The following EXTL1 variants were observed in gnomAD, a reference collection of about 807,000 sequenced individuals.
EXTL1 encodes the protein exostosin like glycosyltransferase 1, also known as exostosin-like 1.
EXTL1 carries 43 observed loss-of-function variants against 64.6 expected under a neutral mutation model. The observed-to-expected ratio is 0.67, with a 90% CI of 0.52 to 0.86. EXTL1 has a LOEUF of 0.86. Among genes scored for constraint, EXTL1 ranks in the 40% least tolerant of loss-of-function variants. The probability of loss-of-function intolerance (pLI) is 0.00; values close to 1 mark genes in which losing one functional copy is unlikely to be tolerated. For missense variants in EXTL1, 766 were observed against 879.0 expected (o/e 0.87, Z 1.62); for synonymous variants, 352 against 360.5 (o/e 0.98, Z 0.27).
rs1311895706 is a variant in EXTL1 at position 26,034,598 on chromosome 1, T to TG, written c.1680-232dup. Among the ~76,000 whole-genome samples the TG allele has an allele frequency of 1.3e-5, 2 of 152,008 alleles. No homozygotes were observed. Among genetic ancestry groups the TG allele is most frequent in the Non-Finnish European group, 2.9e-5 (2 of 67,988 alleles). ...GAGTTCAGCGCTCAGAGCCCAAGGA[T>TG]GGGGGGCCCAAGGAGCTGTGAGGGA... On this transcript the variant is annotated intron_variant, in intron 9 of 10. Transcript: ENST00000374280. This position sits in a 1 kb window ranked among gnomAD's most constrained non-coding sequence, Gnocchi z 4.6.
rs374984462 is a variant in EXTL1 at position 26,030,476 on chromosome 1, G to T, written c.982G>T (p.Val328Phe). The T allele has an allele frequency of 6.2e-7, 1 of 1,609,718 alleles. No individual in the cohort carries two copies. The highest frequency in any genetic ancestry group is 1.3e-5 in the African/African-American group (1 of 74,758). Residue 328 changes from valine (V) to phenylalanine (F), a missense_variant and splice_region_variant, in exon 4 of 11, where the codon GTC (valine) becomes TTC (phenylalanine). Physicochemically the swap from Val to Phe is conservative, Grantham distance 50. This residue lies in a region of EXTL1 where 571 missense variants were observed against 647.6 expected (regional missense o/e 0.88). Coordinates refer to ENST00000374280, the MANE Select transcript of EXTL1 (RefSeq NM_004455.3). Reference sequence around the variant, plus strand: ...GCACTTTTCTCCCTCTCTGCTCCAGGTCCTGGCTGCCCTCCAGGAGATGTC... The same window carrying T: ...GCACTTTTCTCCCTCTCTGCTCCAGTTCCTGGCTGCCCTCCAGGAGATGTC... The part of the protein sequence containing the change: ...IVADERLPLQ[V>F]LAALQEMSPA...
chr1:26,024,736 G>A (rs1018917404), intron 1 of EXTL1, among the ~76,000 whole-genome samples: 4 of 152,142 alleles, frequency 2.6e-5, no homozygotes, highest in Non-Finnish European at 4.4e-5. Flanking sequence ...CACTTTGAGC[G>A]ACAAGGCTCT....
In EXTL1 at chr1:26,035,225, C is replaced by G; in HGVS notation, c.1909C>G (p.Gln637Glu). Residue 637 changes from glutamine (Q) to glutamate (E), a missense_variant, in exon 11 of 11, where the codon CAG (glutamine) becomes GAG (glutamate). Physicochemically the swap from Gln to Glu is conservative, Grantham distance 29. Transcript: ENST00000374280. The surrounding 1 kb of genome is among the most constrained non-coding windows in gnomAD (Gnocchi z 5.3). ...PPAPAPDCIN[Q>E]IAAAFGHMPL... ...TGCCCCAGCCCCCGACTGCATCAAC[C>G]AGATAGCGGCAGCGTTCGGCCACAT... is the stretch of plus-strand genomic sequence containing the variant. The G allele has an allele frequency of 6.2e-7, 1 of 1,613,556 alleles. No individual in the cohort carries two copies. The highest frequency in any genetic ancestry group is 8.5e-7 in the Non-Finnish European group (1 of 1,179,892).
At chr1:26,031,302 G>A in intron 5 of EXTL1, 38 bp downstream of exon 5, 1 of 1,606,940 alleles carries the variant, frequency 6.2e-7, no homozygotes, top group Non-Finnish European at 8.5e-7. Flanking sequence ...AGTCCCCTCA[G>A]CTCTACCCAG....
Position 26,030,569 on chromosome 1 carries a change from GAGA to G in EXTL1, c.1078_1080del (p.Lys360del). 1 of 1,613,470 alleles carries G rather than the reference GAGA, an allele frequency of 6.2e-7. No individual in the cohort carries two copies. Among genetic ancestry groups the G allele is most frequent in the Non-Finnish European group, 8.5e-7 (1 of 1,179,738 alleles). On this transcript the variant is annotated inframe_deletion, in exon 4 of 11. Coordinates refer to ENST00000374280, the MANE Select transcript of EXTL1 (RefSeq NM_004455.3). ...ATGGGATGCCTACTTCTCCTCAGTGGAGAAGGTCATCCATACCACTCTGGAGGT... is the reference window on the plus strand; with the variant it reads ...ATGGGATGCCTACTTCTCCTCAGTGGAGGTCATCCATACCACTCTGGAGGT...
In EXTL1 at chr1:26,031,243, C is replaced by G. The variant is rs147635131; in HGVS notation, c.1213C>G (p.Pro405Ala). The change falls in exon 5 of 11, where the codon CCC (proline) becomes GCC (alanine). Residue 405 changes from proline (P) to alanine (A), a missense_variant. Pro to Ala is a conservative substitution (Grantham distance 27). Coordinates refer to ENST00000374280, the MANE Select transcript of EXTL1 (RefSeq NM_004455.3). ...TTTTTCCACAAGCCCCCAGGACTTC[C>G]CCTTCTACTACCTGCAACAGGGTAT... ...STFSTSPQDF[P>A]FYYLQQGSRP... 11 of 1,613,780 alleles carry G rather than the reference C, an allele frequency of 6.8e-6. No homozygotes were observed. In the African/African-American group the frequency reaches 1.3e-4, roughly 20 times the overall value.
rs914512834 is a variant in EXTL1, at chr1:26,035,549, G to A, written c.*202G>A. The A allele has an allele frequency of 3.2e-5, 15 of 467,812 alleles. No individual in the cohort carries two copies. The highest frequency in any genetic ancestry group is 4.9e-5 in the Non-Finnish European group (13 of 264,784). 29.0% of individuals were successfully genotyped at this position (467,812 alleles called of 1,614,324 possible). ...GCTCGCCCTCAGCCGCGGAGCCTCT[G>A]CGGAGGCTGAGCCCCGCGACCGGAG... On this transcript the variant is annotated 3_prime_UTR_variant, in exon 11 of 11. Coordinates refer to ENST00000374280, the MANE Select transcript of EXTL1 (RefSeq NM_004455.3). This position sits in a 1 kb window ranked among gnomAD's most constrained non-coding sequence, Gnocchi z 5.3.
At chr1:26,029,454 C>T in intron 2 of EXTL1, 146 bp from the exon 3 acceptor site, 1 of 703,710 alleles carries the variant, frequency 1.4e-6, no homozygotes, top group Non-Finnish European at 2.5e-6. Flanking sequence ...GCAGAACAAC[C>T]ATAACCTCCC....
At position 26,035,357 on chromosome 1, in the gene EXTL1, C is replaced by T. The variant is rs147726491; in HGVS notation, c.*10C>T. The T allele has an allele frequency of 7.8e-3, 12,409 of 1,594,172 alleles. 46 individuals are homozygous for T. The highest frequency in any genetic ancestry group is 0.012 in the Middle Eastern group (61 of 4,888). On this transcript the variant is annotated 3_prime_UTR_variant, in exon 11 of 11. Coordinates refer to ENST00000374280, the MANE Select transcript of EXTL1 (RefSeq NM_004455.3). This position sits in a 1 kb window ranked among gnomAD's most constrained non-coding sequence, Gnocchi z 5.3. ...CCTGGAGAAGCCCTAGGGGGGCGAC[C>T]CGCGGAGACCCCAGCAGAGGTCGCA... is the stretch of plus-strand genomic sequence containing the variant.
intron 3 of EXTL1, among the ~76,000 whole-genome samples, 187 bp from the exon 4 acceptor site, chr1:26,030,289 A>G (rs1327634200): frequency 6.6e-6 from 1 of 151,286 alleles, no homozygotes; most frequent in African/African-American, 2.4e-5. Context: ...GTGGTTACCA[A>G]GTGGCATTCA....
Position 26,035,450 on chromosome 1 carries a change from T to A in EXTL1, c.*103T>A, listed in dbSNP as rs1299408323. On this transcript the variant is annotated 3_prime_UTR_variant, in exon 11 of 11. Transcript: ENST00000374280. This position sits in a 1 kb window ranked among gnomAD's most constrained non-coding sequence, Gnocchi z 5.3. ...TCTTGGGACACCGGAGAACCTATCA[T>A]GTCAGCCAGCGGGCCCACACGTCGG... 3.6e-6 allele frequency: 4 copies of A among 1,122,850 alleles called. No individual in the cohort carries two copies. The highest frequency in any genetic ancestry group is 2.8e-5 in the Admixed American group (1 of 35,450). 69.6% of individuals were successfully genotyped at this position (1,122,850 alleles called of 1,614,324 possible). A position where few individuals can be genotyped will look rare whatever the true frequency, so the allele number is the denominator to read the frequency against.
intron 1 of EXTL1, among the ~76,000 whole-genome samples, chr1:26,024,330 C>T (rs1439559903): frequency 6.6e-6 from 1 of 152,108 alleles, no homozygotes; most frequent in Non-Finnish European, 1.5e-5. Context: ...GCAGAGGGTT[C>T]CTTCTGTATC....
rs750223201 is a variant in EXTL1 at position 26,031,178 on chromosome 1, T to C, written c.1148T>C (p.Leu383Pro). Residue 383 changes from leucine to proline, a missense_variant, in exon 5 of 11, where the codon CTG becomes CCG. Transcript: ENST00000374280. ...IFGTSAHPSLLWNSPPGALLA... is the reference protein window; with the variant it reads ...IFGTSAHPSLPWNSPPGALLA... ...GGAACATCAGCTCACCCCTCACTGCTGTGGAACAGCCCCCCAGGGGCACTC... is the reference window on the plus strand; with the variant it reads ...GGAACATCAGCTCACCCCTCACTGCCGTGGAACAGCCCCCCAGGGGCACTC... 6.2e-7 allele frequency: 1 copy of C among 1,614,084 alleles called. No individual in the cohort carries two copies. The highest frequency in any genetic ancestry group is 1.3e-5 in the African/African-American group (1 of 75,064).
Position 26,034,688 on chromosome 1 carries a change from C to T in EXTL1, c.1680-148C>T. ...GGGCACAGCACAATGGAGAGCTGTTCACGCCAGGGATGGGAGCTCTCTGAG... is the reference window on the plus strand; with the variant it reads ...GGGCACAGCACAATGGAGAGCTGTTTACGCCAGGGATGGGAGCTCTCTGAG... On this transcript the variant is annotated intron_variant, in intron 9 of 10. Transcript: ENST00000374280. This position sits in a 1 kb window ranked among gnomAD's most constrained non-coding sequence, Gnocchi z 4.6. 1 of 748,206 alleles carries T rather than the reference C, an allele frequency of 1.3e-6. No individual in the cohort carries two copies. The highest frequency in any genetic ancestry group is 2.2e-6 in the Non-Finnish European group (1 of 444,492). The allele number at this position is 748,206 out of a possible 1,614,324, so 46.3% of individuals were successfully genotyped here.
rs945458593 is a variant in EXTL1 at position 26,022,473 on chromosome 1, A to C, written c.-174A>C. The C allele has an allele frequency of 1.8e-6, 1 of 568,020 alleles. No individual in the cohort carries two copies. Among genetic ancestry groups the C allele is most frequent in the African/African-American group, 1.9e-5 (1 of 52,376 alleles). 35.2% of individuals were successfully genotyped at this position (568,020 alleles called of 1,614,324 possible). A position where few individuals can be genotyped will look rare whatever the true frequency, so the allele number is the denominator to read the frequency against. On this transcript the variant is annotated 5_prime_UTR_variant, in exon 1 of 11. Coordinates refer to ENST00000374280, the MANE Select transcript of EXTL1 (RefSeq NM_004455.3). Reference sequence around the variant, plus strand: ...CCTCCTGCCTGGCTGGTGACTCACTATCTGACCTTAGACAGGCGGCCTGGT... The same window carrying C: ...CCTCCTGCCTGGCTGGTGACTCACTCTCTGACCTTAGACAGGCGGCCTGGT...
rs561259155 is a variant in EXTL1 at position 26,036,365 on chromosome 1, G to C, written c.*1018G>C. On this transcript the variant is annotated 3_prime_UTR_variant, in exon 11 of 11. Coordinates refer to ENST00000374280, the MANE Select transcript of EXTL1 (RefSeq NM_004455.3). The surrounding 1 kb of genome is among the most constrained non-coding windows in gnomAD (Gnocchi z 5.2). ...CGGTATAGGTGAGAATGGAGTTGGGGGGGGACACTAGGTCCTCCGGGGTTC... is the reference window on the plus strand; with the variant it reads ...CGGTATAGGTGAGAATGGAGTTGGGCGGGGACACTAGGTCCTCCGGGGTTC... 6.6e-6 allele frequency: 1 copy of C among 152,364 alleles called. No individual in the cohort carries two copies. Among genetic ancestry groups the C allele is most frequent in the East Asian group, 1.9e-4 (1 of 5,186 alleles). The allele number at this position is 152,364 out of a possible 1,614,324, so 9.4% of individuals were successfully genotyped here. A position where few individuals can be genotyped will look rare whatever the true frequency, so the allele number is the denominator to read the frequency against.
At chr1:26,031,603 G>C in intron 6 of EXTL1, 37 bp downstream of exon 6, 2 of 1,343,800 alleles carry the variant, frequency 1.5e-6, no homozygotes, top group East Asian at 2.5e-5. Flanking sequence ...TGGGATCCAG[G>C]GTGGGGGTAA....
Position 26,034,724 on chromosome 1 carries a change from C to A in EXTL1, c.1680-112C>A. On this transcript the variant is annotated intron_variant, in intron 9 of 10. Transcript: ENST00000374280. This position sits in a 1 kb window ranked among gnomAD's most constrained non-coding sequence, Gnocchi z 4.6. ...TGGGAGCTCTCTGAGGCAGCCAGGG[C>A]TCAGAGGCTTGGGGATGGGGGTCAA... 9.1e-7 allele frequency: 1 copy of A among 1,101,730 alleles called. No individual in the cohort carries two copies. The highest frequency in any genetic ancestry group is 1.3e-6 in the Non-Finnish European group (1 of 751,556). The allele number at this position is 1,101,730 out of a possible 1,614,324, so 68.2% of individuals were successfully genotyped here.
intron 1 of EXTL1, among the ~76,000 whole-genome samples, chr1:26,026,041 T>C (rs2050211650): frequency 6.6e-6 from 1 of 152,046 alleles, no homozygotes; most frequent in Admixed American, 6.5e-5. Context: ...GTGGATCGCC[T>C]GAGCTTAGGC....
Sources: allele counts gnomAD v4.1 joint callset (sites outside exome capture counted in the v4.1 genomes callset), GRCh38; gene constraint gnomAD v4.1.1; regional missense constraint gnomAD v4.1.1; non-coding constraint Gnocchi (gnomAD v3.1); transcripts MANE v1.5; gene names NCBI Gene and HGNC (gene_info 2026-07-23, HGNC 2026-07-21).